The following HRH2 variants were observed in gnomAD, a reference collection of about 807,000 sequenced individuals.
HRH2 encodes the protein histamine H2 receptor.
In HRH2, 4 loss-of-function variants were observed where a neutral mutation model predicts 20.1. That is an observed-to-expected ratio of 0.20 (90% CI 0.10 to 0.45). The LOEUF is 0.45. Among genes scored for constraint, HRH2 ranks in the 20% least tolerant of loss-of-function variants. The probability of loss-of-function intolerance (pLI) is 0.99; values close to 1 mark genes in which losing one functional copy is unlikely to be tolerated. For missense variants in HRH2, 250 were observed against 461.6 expected (o/e 0.54, Z 4.20); for synonymous variants, 197 against 200.7 (o/e 0.98, Z 0.16).
rs1354486743 is a variant in HRH2 at position 175,684,271 on chromosome 5, T to C, written c.1038T>C (p.Ser346=). ...AACCCCTGAAGCTCCAGGTGTGGAG[T>C]GGGACAGAAGTCACGGCCCCCCAGG... ...EEKPLKLQVW[S]GTEVTAPQGA... Residue 346 remains serine, a synonymous_variant, in exon 2 of 3, where the codon AGT becomes AGC. Transcript: ENST00000636584. 1 of 1,613,624 alleles carries C rather than the reference T, an allele frequency of 6.2e-7. No homozygotes were observed. Among genetic ancestry groups the C allele is most frequent in the Admixed American group, 1.7e-5 (1 of 59,964 alleles).
intron 1 of HRH2, among the ~76,000 whole-genome samples, chr5:175,682,118 T>A (rs1235923794): frequency 2.0e-5 from 3 of 152,266 alleles, no homozygotes; most frequent in African/African-American, 4.8e-5. Context: ...GCACGTCATC[T>A]GCATAGCTGC....
intron 1 of HRH2, among the ~76,000 whole-genome samples, chr5:175,676,025 T>C (rs1459649618): frequency 6.6e-6 from 1 of 152,196 alleles, no homozygotes; most frequent in Non-Finnish European, 1.5e-5. Context: ...TTCTCCCTTG[T>C]GCATATCACA....
chr5:175,666,548 C>G lies in HRH2; in HGVS notation c.-526+8393C>G, dbSNP rs555388711. 2.0e-5 allele frequency among the ~76,000 whole-genome samples: 3 copies of G among 152,304 alleles called. No individual in the cohort carries two copies. In the South Asian group the frequency reaches 6.2e-4, roughly 32 times the overall value. The stretch of plus-strand genomic sequence containing the variant: ...CTCAGGGGATCCTCCTCACCTCAGC[C>G]TCCCAAGTAGCTGGGACTACATACA... On this transcript the variant is annotated intron_variant, in intron 1 of 2. Coordinates refer to ENST00000636584, the MANE Select transcript of HRH2 (RefSeq NM_001367711.1).
At position 175,677,508 on chromosome 5, in the gene HRH2, T is replaced by C. The variant is rs566209353; in HGVS notation, c.-525-5201T>C. On this transcript the variant is annotated intron_variant, in intron 1 of 2. Coordinates refer to ENST00000636584, the MANE Select transcript of HRH2 (RefSeq NM_001367711.1). The surrounding 1 kb of genome is among the most constrained non-coding windows in gnomAD (Gnocchi z 4.2). The stretch of plus-strand genomic sequence containing the variant: ...TCTGACTGTCTGGGCTGAAGCCACG[T>C]TGGTCCGCAGCTCGTATCGGGGCAG... 6.6e-6 allele frequency among the ~76,000 whole-genome samples: 1 copy of C among 152,298 alleles called. No individual in the cohort carries two copies. Among genetic ancestry groups the C allele is most frequent in the Non-Finnish European group, 1.5e-5 (1 of 68,028 alleles).
rs1219073163 is a variant in HRH2 at position 175,684,606 on chromosome 5, G to A, written c.1076+297G>A. 7.9e-5 allele frequency among the ~76,000 whole-genome samples: 12 copies of A among 152,232 alleles called. No homozygotes were observed. In the South Asian group the frequency reaches 8.3e-4, roughly 10 times the overall value. ...CTCGCAAGCCCTTTTTCCCAGCTACGTGGTCCTTACAATTAGAAGTCTTAT... is the reference window on the plus strand; with the variant it reads ...CTCGCAAGCCCTTTTTCCCAGCTACATGGTCCTTACAATTAGAAGTCTTAT... On this transcript the variant is annotated intron_variant, in intron 2 of 2. Transcript: ENST00000636584.
intron 2 of HRH2, among the ~76,000 whole-genome samples, chr5:175,701,158 A>G (rs762883304): frequency 6.6e-6 from 1 of 152,198 alleles, no homozygotes; most frequent in Admixed American, 6.5e-5. Flanking sequence ...GAGGAAACCG[A>G]GGCTCAGAGC....
chr5:175,700,891 A>G (rs1276358041), intron 2 of HRH2, among the ~76,000 whole-genome samples: 6 of 152,156 alleles, frequency 3.9e-5, no homozygotes, highest in African/African-American at 1.4e-4. Flanking sequence ...CTGTCTCAAA[A>G]AAAAGAAAAG....
rs1051225332 is a variant in HRH2, at chr5:175,698,895, C to T, written c.1077-8884C>T. Among the ~76,000 whole-genome samples the T allele has an allele frequency of 2.0e-5, 3 of 152,222 alleles. No homozygotes were observed. The East Asian group carries it at 5.8e-4, about 29-fold the overall frequency. The stretch of plus-strand genomic sequence containing the variant: ...TTTGCAAAGCCCTTGCTGGGAGTCT[C>T]CCCGGCCTGCTCAGCAACCTGCTCA... On this transcript the variant is annotated intron_variant, in intron 2 of 2. Coordinates refer to ENST00000636584, the MANE Select transcript of HRH2 (RefSeq NM_001367711.1).
At chr5:175,690,454 C>T (rs1033963250) in intron 2 of HRH2, among the ~76,000 whole-genome samples, 1 of 152,222 alleles carries the variant, frequency 6.6e-6, no homozygotes, top group Non-Finnish European at 1.5e-5. Context: ...AGACATTTAG[C>T]ATCATTCCTG....
intron 2 of HRH2, among the ~76,000 whole-genome samples, chr5:175,692,307 G>A (rs1261090526): frequency 1.3e-5 from 2 of 152,208 alleles, no homozygotes; most frequent in African/African-American, 4.8e-5. Flanking sequence ...TTTTCACAGG[G>A]TCACGAAATG....
intron 1 of HRH2, among the ~76,000 whole-genome samples, chr5:175,665,970 AC>A: frequency 6.6e-6 from 1 of 152,310 alleles, no homozygotes; most frequent in Non-Finnish European, 1.5e-5. Flanking sequence ...TTTATTTCAA[AC>A]CCAGAAGATT....
chr5:175,682,377 G>C (rs1043402491), intron 1 of HRH2, among the ~76,000 whole-genome samples: 1 of 152,196 alleles, frequency 6.6e-6, no homozygotes, highest in African/African-American at 2.4e-5. Flanking sequence ...CAGGCACCAG[G>C]AACCAGCAGA....
At chr5:175,691,943 A>C (rs1258133350) in intron 2 of HRH2, among the ~76,000 whole-genome samples, 1 of 151,822 alleles carries the variant, frequency 6.6e-6, no homozygotes, top group Non-Finnish European at 1.5e-5. Flanking sequence ...CCTCCAGGGG[A>C]CCCGGCCCCA....
chr5:175,674,455 A>T (rs928047740), intron 1 of HRH2, among the ~76,000 whole-genome samples: 2 of 151,772 alleles, frequency 1.3e-5, no homozygotes, highest in Non-Finnish European at 2.9e-5. Flanking sequence ...CCTCTCCCTC[A>T]CTATGATGCC....
intron 2 of HRH2, among the ~76,000 whole-genome samples, chr5:175,696,307 A>C (rs1756574924): frequency 6.6e-6 from 1 of 152,174 alleles, no homozygotes; most frequent in Non-Finnish European, 1.5e-5. Context: ...GACTTGGGAG[A>C]CCTGAGTGTG....
chr5:175,673,381 G>C (rs1034799296), intron 1 of HRH2, among the ~76,000 whole-genome samples: 1 of 152,166 alleles, frequency 6.6e-6, no homozygotes, highest in African/African-American at 2.4e-5. Context: ...GGAGGCTGGG[G>C]AGGAGCAGGT....
At chr5:175,694,558 A>G (rs1478225456) in intron 2 of HRH2, among the ~76,000 whole-genome samples, 1 of 152,126 alleles carries the variant, frequency 6.6e-6, no homozygotes, top group Non-Finnish European at 1.5e-5. Context: ...GGCAGTCCTC[A>G]AGGCTCAGCC....
At position 175,681,030 on chromosome 5, in the gene HRH2, G is replaced by C. The variant is rs1198552879; in HGVS notation, c.-525-1679G>C. 1.3e-5 allele frequency among the ~76,000 whole-genome samples: 2 copies of C among 152,100 alleles called. No individual in the cohort carries two copies. Among genetic ancestry groups the C allele is most frequent in the African/African-American group, 4.8e-5 (2 of 41,394 alleles). On this transcript the variant is annotated intron_variant, in intron 1 of 2. Transcript: ENST00000636584. The surrounding 1 kb of genome is among the most constrained non-coding windows in gnomAD (Gnocchi z 4.3). ...ATTTGAAGACCCCTCATCCAAACAT[G>C]AACTCAAATGTCAGCCTGATGCCAA...
Position 175,676,068 on chromosome 5 carries a change from A to G in HRH2, c.-525-6641A>G, listed in dbSNP as rs147057202. 9.6e-3 allele frequency among the ~76,000 whole-genome samples: 1,457 copies of G among 152,250 alleles called. 19 individuals are homozygous for G. The highest frequency in any genetic ancestry group is 0.014 in the Non-Finnish European group (953 of 68,006). ...TCGGCACACTTTTGGAGGCCCCCCC[A>G]TCAGCCCAGACAATCTAAGTCTTTT... On this transcript the variant is annotated intron_variant, in intron 1 of 2. Transcript: ENST00000636584.
Sources: gnomAD v4.1 joint callset for allele counts (sites outside exome capture counted in the v4.1 genomes callset) on GRCh38, gnomAD v4.1.1 for gene constraint, Gnocchi (gnomAD v3.1) non-coding constraint, MANE v1.5 for transcripts, NCBI Gene and HGNC (gene_info 2026-07-23, HGNC 2026-07-21) for gene names.